The following JADE1 variants were observed in gnomAD, a reference collection of about 807,000 sequenced individuals.
JADE1 encodes jade family PHD finger 1.
A neutral mutation model predicts 81.8 loss-of-function variants in JADE1; 14 were observed. The observed-to-expected ratio is 0.17, with a 90% CI of 0.11 to 0.27. The LOEUF is 0.27. Among genes scored for constraint, JADE1 ranks in the 10% least tolerant of loss-of-function variants. The probability of loss-of-function intolerance (pLI) is 1.00; values close to 1 mark genes in which losing one functional copy is unlikely to be tolerated. For synonymous variants in JADE1, 353 were observed against 391.9 expected (o/e 0.90, Z 1.17); for missense variants, 690 against 1,047.9 (o/e 0.66, Z 4.71).
intron 1 of JADE1, among the ~76,000 whole-genome samples, chr4:128,814,619 T>C (rs1055951916): frequency 1.3e-5 from 2 of 150,336 alleles, no homozygotes; most frequent in African/African-American, 4.9e-5. Context: ...CAGGCTGGAG[T>C]GCAATGGTGG....
intron 8 of JADE1, among the ~76,000 whole-genome samples, chr4:128,858,743 C>G (rs1448505187): frequency 1.3e-5 from 2 of 151,880 alleles, no homozygotes; most frequent in Admixed American, 1.3e-4. Context: ...GCTAGGATTA[C>G]AGGCGCGCAC....
At chr4:128,839,527 T>C (rs1272660205) in intron 2 of JADE1, among the ~76,000 whole-genome samples, 1 of 152,242 alleles carries the variant, frequency 6.6e-6, no homozygotes, top group African/African-American at 2.4e-5. Flanking sequence ...TTTATACCCA[T>C]GAAATCATTG....
chr4:128,823,868 T>C (rs529000755), intron 1 of JADE1, among the ~76,000 whole-genome samples: 2 of 152,324 alleles, frequency 1.3e-5, no homozygotes, highest in Admixed American at 1.3e-4. Flanking sequence ...GCGATTAATG[T>C]TTACTTTAAA....
chr4:128,830,708 C>G (rs1171836906), intron 1 of JADE1, among the ~76,000 whole-genome samples: 1 of 152,120 alleles, frequency 6.6e-6, no homozygotes, highest in Non-Finnish European at 1.5e-5. Context: ...AGACCAGTGC[C>G]CTAAAGATGT....
At chr4:128,831,173 G>A (rs1365908777) in intron 1 of JADE1, among the ~76,000 whole-genome samples, 2 of 152,160 alleles carry the variant, frequency 1.3e-5, no homozygotes, top group Non-Finnish European at 2.9e-5. Context: ...TGTTCCCTCT[G>A]TGGGGTTAGA....
chr4:128,856,210 G>A (rs146440955), intron 7 of JADE1, among the ~76,000 whole-genome samples: 442 of 152,304 alleles, frequency 2.9e-3, no homozygotes, highest in African/African-American at 0.01. Flanking sequence ...TAAATAGGCA[G>A]CATTGCAGCT....
rs1447062413 is a variant in JADE1, at chr4:128,871,933, G to A, written c.2200G>A (p.Ala734Thr). 10 of 1,613,878 alleles carry A rather than the reference G, an allele frequency of 6.2e-6. No homozygotes were observed. Among genetic ancestry groups the A allele is most frequent in the Non-Finnish European group, 8.5e-6 (10 of 1,179,980 alleles). ...AATCAAAGTAAACTATAATCAGACT[G>A]CAGTCAAAGTGCCTACAACACCTGC... is the stretch of plus-strand genomic sequence containing the variant. The part of the protein sequence containing the change: ...SLIKVNYNQT[A>T]VKVPTTPASP... Residue 734 changes from alanine to threonine, a missense_variant, in exon 11 of 11, where the codon GCA becomes ACA. Transcript: ENST00000226319. This position sits in a 1 kb window ranked among gnomAD's most constrained non-coding sequence, Gnocchi z 4.1.
chr4:128,825,501 A>T (rs1242125111), intron 1 of JADE1, among the ~76,000 whole-genome samples: 1 of 152,176 alleles, frequency 6.6e-6, no homozygotes, highest in Non-Finnish European at 1.5e-5. Context: ...GGCTCCTCTG[A>T]ATCTATTGCA....
chr4:128,849,728 G>T (rs1043818779), intron 5 of JADE1, among the ~76,000 whole-genome samples: 4 of 152,134 alleles, frequency 2.6e-5, no homozygotes, highest in African/African-American at 9.7e-5. Flanking sequence ...TGTGTGCCCA[G>T]CCCTTCTCCA....
Position 128,849,082 on chromosome 4 carries a change from G to A in JADE1, c.399G>A (p.Thr133=), listed in dbSNP as rs1173292374. The A allele has an allele frequency of 5.0e-6, 8 of 1,614,128 alleles. No individual in the cohort carries two copies. The East Asian group carries it at 1.3e-4, about 27-fold the overall frequency. ...PPELGYVDIR[T]LADSVCRYDL... Reference sequence around the variant, plus strand: ...AGTTGGGCTATGTGGACATCCGGACGCTGGCTGACAGCGTGTGTCGCTATG... The same window carrying A: ...AGTTGGGCTATGTGGACATCCGGACACTGGCTGACAGCGTGTGTCGCTATG... The change falls in exon 5 of 11, where the codon ACG becomes ACA. Residue 133 remains threonine (T), a synonymous_variant. Transcript: ENST00000226319.
At chr4:128,869,142 G>A (rs1437960397) in intron 10 of JADE1, among the ~76,000 whole-genome samples, 1 of 152,178 alleles carries the variant, frequency 6.6e-6, no homozygotes. Context: ...TGTTCTTGAA[G>A]TGTTACATAG....
chr4:128,816,272 T>G (rs1727024738), intron 1 of JADE1: 1 of 152,238 alleles, frequency 6.6e-6, no homozygotes, highest in African/African-American at 2.4e-5. Context: ...GTCTATTGAG[T>G]CTATTGTCCT....
Position 128,846,442 on chromosome 4 carries a change from A to G in JADE1, c.206A>G (p.Tyr69Cys). 6.2e-7 allele frequency: 1 copy of G among 1,614,120 alleles called. No homozygotes were observed. The highest frequency in any genetic ancestry group is 8.5e-7 in the Non-Finnish European group (1 of 1,179,998). ...HDSYQLNPDE[Y>C]YVLADPWRQE... ...TCCTACCAGCTGAATCCGGATGAGT[A>G]CTATGTGTTGGCAGATCCCTGGAGA... Residue 69 changes from tyrosine to cysteine, a missense_variant, in exon 4 of 11, where the codon TAC (tyrosine) becomes TGC (cysteine). By Grantham distance (194) the Tyr-to-Cys change is radical (BLOSUM62 -2). Coordinates refer to ENST00000226319, the MANE Select transcript of JADE1 (RefSeq NM_199320.4). This position sits in a 1 kb window ranked among gnomAD's most constrained non-coding sequence, Gnocchi z 4.0.
At chr4:128,826,888 A>G (rs1170470306) in intron 1 of JADE1, among the ~76,000 whole-genome samples, 1 of 152,166 alleles carries the variant, frequency 6.6e-6, no homozygotes, top group East Asian at 1.9e-4. Flanking sequence ...AATGGGCACT[A>G]CCTTGGGCTT....
At chr4:128,827,446 G>A (rs374119270) in intron 1 of JADE1, among the ~76,000 whole-genome samples, 1 of 152,196 alleles carries the variant, frequency 6.6e-6, no homozygotes, top group Non-Finnish European at 1.5e-5. Flanking sequence ...AACAGGAGCA[G>A]CATTAGCAGA....
intron 6 of JADE1, 148 bp downstream of exon 6, chr4:128,852,416 T>TC: frequency 1.6e-6 from 1 of 641,480 alleles, no homozygotes; most frequent in East Asian, 2.7e-5. Context: ...ACTTTATTTT[T>TC]CCCTAGTAGG....
At chr4:128,862,667 C>T (rs754795161) in intron 9 of JADE1, 205 of 1,015,438 alleles carry the variant, frequency 2.0e-4, no homozygotes, top group Non-Finnish European at 2.4e-4. Flanking sequence ...TTGTTCAGTC[C>T]GGGGAAACAC....
At chr4:128,837,045 T>G (rs563999398) in intron 2 of JADE1, among the ~76,000 whole-genome samples, 1 of 152,354 alleles carries the variant, frequency 6.6e-6, no homozygotes, top group Admixed American at 6.5e-5. Context: ...AAGATTTTCC[T>G]AAAGTTATAG....
intron 1 of JADE1, among the ~76,000 whole-genome samples, chr4:128,820,649 T>C (rs1055703482): frequency 6.6e-6 from 1 of 152,162 alleles, no homozygotes; most frequent in Non-Finnish European, 1.5e-5. Flanking sequence ...AAGTGTGTCA[T>C]CTAGGTTTTC....
Sources: allele counts gnomAD v4.1 joint callset (sites outside exome capture counted in the v4.1 genomes callset), GRCh38; gene constraint gnomAD v4.1.1; non-coding constraint Gnocchi (gnomAD v3.1); transcripts MANE v1.5; gene names NCBI Gene and HGNC (gene_info 2026-07-23, HGNC 2026-07-21).